BTD: variants seen among roughly 807,000 people sequenced by gnomAD.
BTD encodes the protein biotinidase.
A neutral mutation model predicts 17.7 loss-of-function variants in BTD; 13 were observed. That is an observed-to-expected ratio of 0.74 (90% CI 0.48 to 1.17). The LOEUF (loss-of-function observed/expected upper bound fraction) is 1.17, where lower values mean the gene tolerates loss of function less well. Ranked by LOEUF, BTD falls within the 50% of genes most tolerant of loss-of-function variation. The pLI, the probability that BTD is intolerant of heterozygous loss-of-function variation, is 0.00. For missense variants in BTD, 674 were observed against 650.4 expected, an observed-to-expected ratio of 1.04 and a Z score of -0.39; for synonymous variants, 240 against 245.2, an observed-to-expected ratio of 0.98 and a Z score of 0.20.
chr3:15,625,652 T>C (rs778611193), intron 1 of BTD, among the ~76,000 whole-genome samples: 2 of 152,088 alleles, frequency 1.3e-5, no homozygotes, highest in Non-Finnish European at 2.9e-5. Flanking sequence ...ACCTCCCGGG[T>C]TCAAGCAATT....
intron 1 of BTD, among the ~76,000 whole-genome samples, chr3:15,633,580 A>G (rs144784975): frequency 1.8e-4 from 27 of 152,300 alleles, no homozygotes; most frequent in Non-Finnish European, 3.5e-4. Flanking sequence ...CATCGGTGGT[A>G]CCCAGCTCTC....
Position 15,646,323 on chromosome 3 carries a change from A to C in BTD, c.*835A>C, listed in dbSNP as rs2065693858. 1 of 152,304 alleles carries C rather than the reference A, an allele frequency of 6.6e-6. No homozygotes were observed. Among genetic ancestry groups the C allele is most frequent in the Non-Finnish European group, 1.5e-5 (1 of 68,098 alleles). The allele number at this position is 152,304 out of a possible 1,614,324, so 9.4% of individuals were successfully genotyped here. ...CGGTAGCTTTGGGCAAGAGTTGGGCACGTTGCCCGACTGTGCAGGATGGAT... is the reference window on the plus strand; with the variant it reads ...CGGTAGCTTTGGGCAAGAGTTGGGCCCGTTGCCCGACTGTGCAGGATGGAT... On this transcript the variant is annotated 3_prime_UTR_variant, in exon 4 of 4. Coordinates refer to ENST00000643237, the MANE Select transcript of BTD (RefSeq NM_001370658.1).
At chr3:15,613,364 T>G (rs1409109381) in intron 1 of BTD, among the ~76,000 whole-genome samples, 2 of 152,256 alleles carry the variant, frequency 1.3e-5, no homozygotes, top group Non-Finnish European at 2.9e-5. Context: ...ATTTACAGCA[T>G]CATCTGATTT....
chr3:15,614,487 C>CT (rs2064733956), intron 1 of BTD, among the ~76,000 whole-genome samples: 1 of 151,484 alleles, frequency 6.6e-6, no homozygotes, highest in African/African-American at 2.4e-5. Context: ...GTCTCATCTT[C>CT]TTTTTTTCCC....
chr3:15,627,399 T>A (rs2455915), intron 1 of BTD, among the ~76,000 whole-genome samples: 67,866 of 151,458 alleles, frequency 0.45, 17,022 homozygotes, highest in African/African-American at 0.68. Context: ...ATTAAAAAAA[T>A]TTTTTTTTGG....
intron 3 of BTD, among the ~76,000 whole-genome samples, chr3:15,708,696 G>A (rs1472696): frequency 0.46 from 70,459 of 151,844 alleles, 19,276 homozygotes; most frequent in Non-Finnish European, 0.6. Flanking sequence ...TTTTATTTTT[G>A]TGGGTCATTA....
rs147710728 is a variant in BTD at position 15,720,218 on chromosome 3, CA to C, written c.1016-1543del. Reference sequence around the variant, plus strand: ...TGCTTACTCTTGAAAGTGATTCTAACAAAAAAAAACCAAAAAGCAACTATTC... The same window carrying C: ...TGCTTACTCTTGAAAGTGATTCTAACAAAAAAAACCAAAAAGCAACTATTC... On this transcript the variant is annotated intron_variant, in intron 4 of 4. Transcript: ENST00000672427. 3.8e-4 allele frequency among the ~76,000 whole-genome samples: 57 copies of C among 150,800 alleles called. No individual in the cohort carries two copies. The East Asian group carries it at 4.5e-3, about 12-fold the overall frequency.
chr3:15,693,812 G>T (rs975329957), intron 3 of BTD, among the ~76,000 whole-genome samples: 8 of 152,076 alleles, frequency 5.3e-5, no homozygotes, highest in African/African-American at 1.9e-4. Flanking sequence ...AACATGATAG[G>T]AAGTATCAGT....
In BTD at chr3:15,693,767, T is replaced by C. The variant is rs565981681; in HGVS notation, c.400-16293T>C. On this transcript the variant is annotated intron_variant, in intron 3 of 3. Transcript: ENST00000672141. ...TCCAAGGACTCAAAGGGCAAAGAAG[T>C]AGAAAGCTTCAAGAATGCTTTCTTA... is the stretch of plus-strand genomic sequence containing the variant. Among the ~76,000 whole-genome samples the C allele has an allele frequency of 5.4e-4, 82 of 152,286 alleles. 1 individual carries two copies. Among genetic ancestry groups the C allele is most frequent in the Middle Eastern group, 3.4e-3 (1 of 294 alleles).
chr3:15,635,878 C>T lies in BTD; in HGVS notation c.249+190C>T, dbSNP rs745341533. 6.6e-6 allele frequency among the ~76,000 whole-genome samples: 1 copy of T among 152,132 alleles called. No homozygotes were observed. The highest frequency in any genetic ancestry group is 1.5e-5 in the Non-Finnish European group (1 of 68,030). On this transcript the variant is annotated intron_variant, in intron 2 of 3. Transcript: ENST00000643237. This position sits in a 1 kb window ranked among gnomAD's most constrained non-coding sequence, Gnocchi z 4.1. ...CAGAGAGTGGTCCGTGGACCGGCAT[C>T]CCCTGGGAGCTTGTTAGAAATACAA...
rs1379450591 is a variant in BTD at position 15,663,031 on chromosome 3, CTT to C, written c.399+20975_399+20976del. On this transcript the variant is annotated intron_variant, in intron 3 of 3. Coordinates refer to the BTD transcript ENST00000672141. ...TTTTTTTTTGAGACGGAGTTTCGCT[CTT>C]GTCATCCAGGCTGGAGTGCAATGGC... Among the ~76,000 whole-genome samples, 4 of 151,764 alleles carry C rather than the reference CTT, an allele frequency of 2.6e-5. 1 individual carries two copies. The highest frequency in any genetic ancestry group is 9.7e-5 in the African/African-American group (4 of 41,390).
At chr3:15,676,723 T>C (rs1423840498) in intron 3 of BTD, 2 of 325,950 alleles carry the variant, frequency 6.1e-6, no homozygotes, top group Non-Finnish European at 1.1e-5. Context: ...TTCAGAAAAT[T>C]AGGTAGGTGG....
intron 3 of BTD, chr3:15,668,923 T>C (rs971892913): frequency 1.3e-5 from 2 of 152,642 alleles, no homozygotes; most frequent in Non-Finnish European, 2.9e-5. Context: ...AGACCCTCAA[T>C]GTATATGAAA....
chr3:15,717,285 C>A (rs998703401), downstream of BTD, among the ~76,000 whole-genome samples: 5 of 152,028 alleles, frequency 3.3e-5, no homozygotes, highest in Admixed American at 6.6e-5. Context: ...GGTTAGAATC[C>A]TTTATTATAA....
chr3:15,701,413 G>A (rs1422526867), intron 3 of BTD, among the ~76,000 whole-genome samples: 3 of 152,138 alleles, frequency 2.0e-5, no homozygotes, highest in Admixed American at 1.3e-4. Flanking sequence ...GGGAAGCGGA[G>A]GTGGGCGGAA....
At chr3:15,702,070 A>T (rs748623969) in intron 3 of BTD, among the ~76,000 whole-genome samples, 1 of 152,234 alleles carries the variant, frequency 6.6e-6, no homozygotes, top group Admixed American at 6.5e-5. Flanking sequence ...AGATTTTGCT[A>T]AACAATATAA....
chr3:15,703,709 G>A (rs911881535), intron 3 of BTD, among the ~76,000 whole-genome samples: 7 of 152,184 alleles, frequency 4.6e-5, no homozygotes, highest in Non-Finnish European at 2.9e-5. Context: ...TTGTTATTGC[G>A]AAGTTACGAT....
chr3:15,635,534 A>G lies in BTD; in HGVS notation c.95A>G (p.His32Arg). 6.2e-7 allele frequency: 1 copy of G among 1,614,182 alleles called. No homozygotes were observed. Among genetic ancestry groups the G allele is most frequent in the Admixed American group, 1.7e-5 (1 of 60,028 alleles). ...ACCGGGGAGGAGAGCGTGGCTGACC[A>G]TCACGAGGCTGAATATTATGTGGCT... ...AHTGEESVAD[H>R]HEAEYYVAAV... The change falls in exon 2 of 4, where the codon CAT becomes CGT. Residue 32 changes from histidine to arginine, a missense_variant. His to Arg is a conservative substitution (Grantham distance 29). Transcript: ENST00000643237. This position sits in a 1 kb window ranked among gnomAD's most constrained non-coding sequence, Gnocchi z 4.1.
At chr3:15,688,087 T>G (rs1185162258) in intron 3 of BTD, among the ~76,000 whole-genome samples, 9 of 152,236 alleles carry the variant, frequency 5.9e-5, no homozygotes, top group Admixed American at 5.9e-4. Context: ...GTAGGATTTA[T>G]GCTGAACTAT....
Sources: gnomAD v4.1 joint callset for allele counts (sites outside exome capture counted in the v4.1 genomes callset) on GRCh38, gnomAD v4.1.1 for gene constraint, Gnocchi (gnomAD v3.1) non-coding constraint, MANE v1.5 for transcripts, NCBI Gene and HGNC (gene_info 2026-07-23, HGNC 2026-07-21) for gene names.